KHDRBS2: variants seen among roughly 807,000 people sequenced by gnomAD.
KHDRBS2 encodes KH RNA binding domain containing, signal transduction associated 2, also known as KH domain-containing, RNA-binding, signal transduction-associated protein 2.
In KHDRBS2, 26 loss-of-function variants were observed where a neutral mutation model predicts 44.3. The observed-to-expected ratio is 0.59, with a 90% CI of 0.43 to 0.81. The LOEUF is 0.81. KHDRBS2 is among the 40% of genes least tolerant of loss of function. KHDRBS2 has a pLI of 0.00. For synonymous variants in KHDRBS2, 194 were observed against 151.1 expected, an observed-to-expected ratio of 1.28 and a Z score of -2.08; for missense variants, 476 against 433.1, an observed-to-expected ratio of 1.10 and a Z score of -0.88.
the KHDRBS2 span, among the ~76,000 whole-genome samples, chr6:61,582,715 G>T: frequency 6.6e-6 from 1 of 150,704 alleles, no homozygotes; most frequent in Non-Finnish European, 1.5e-5. Flanking sequence ...ACTGCTTTTT[G>T]TTTTAGAAGC....
chr6:61,657,379 A>T, the KHDRBS2 span, among the ~76,000 whole-genome samples: 1 of 151,982 alleles, frequency 6.6e-6, no homozygotes, highest in Non-Finnish European at 1.5e-5. Context: ...TCACCCTATG[A>T]AACTGTTTCC....
intron 4 of KHDRBS2, among the ~76,000 whole-genome samples, chr6:61,957,293 G>T (rs1307352379): frequency 6.6e-6 from 1 of 152,106 alleles, no homozygotes; most frequent in African/African-American, 2.4e-5. Flanking sequence ...TGAAATCTGG[G>T]CACCTTGATA....
intron 2 of KHDRBS2, among the ~76,000 whole-genome samples, chr6:62,058,656 G>T (rs1790879600): frequency 6.6e-6 from 1 of 151,798 alleles, no homozygotes; most frequent in African/African-American, 2.4e-5. Flanking sequence ...AAAAACATTG[G>T]TGAGCAAGAG....
chr6:62,195,419 T>C (rs1319207303), intron 1 of KHDRBS2, among the ~76,000 whole-genome samples: 1 of 152,150 alleles, frequency 6.6e-6, no homozygotes, highest in Non-Finnish European at 1.5e-5. Flanking sequence ...AGAAGTGTCA[T>C]TTCATTTTTC....
At chr6:61,720,922 T>G (rs1209200049) in intron 7 of KHDRBS2, among the ~76,000 whole-genome samples, 1 of 151,190 alleles carries the variant, frequency 6.6e-6, no homozygotes, top group Non-Finnish European at 1.5e-5. Flanking sequence ...GTCTAAGGTT[T>G]AAGTCTTTAA....
the KHDRBS2 span, among the ~76,000 whole-genome samples, chr6:61,615,233 C>CAAAAAAAAAAAAAAAAAAAAAAA: frequency 3.6e-4 from 21 of 58,578 alleles, no homozygotes; most frequent in South Asian, 8.2e-4. Context: ...ACTCCATCTC[C>CAAAAAAAAAAAAAAAAAAAAAAA]AAAAAAAAAA....
At chr6:62,267,642 T>C (rs1839415256) in intron 1 of KHDRBS2, among the ~76,000 whole-genome samples, 1 of 152,020 alleles carries the variant, frequency 6.6e-6, no homozygotes, top group Admixed American at 6.6e-5. Context: ...GGAGTCAAAA[T>C]GAGCTACAGA....
At chr6:62,254,337 T>G (rs1837028265) in intron 1 of KHDRBS2, among the ~76,000 whole-genome samples, 1 of 152,180 alleles carries the variant, frequency 6.6e-6, no homozygotes, top group Non-Finnish European at 1.5e-5. Flanking sequence ...CCAAGTACAC[T>G]TCTAGGTACA....
intron 2 of KHDRBS2, among the ~76,000 whole-genome samples, 186 bp from the exon 3 acceptor site, chr6:62,048,180 T>G (rs1008143065): frequency 1.6e-4 from 24 of 149,698 alleles, no homozygotes; most frequent in African/African-American, 5.4e-4. Flanking sequence ...ATTTCAGATA[T>G]CTAATCTAAC....
Position 61,827,397 on chromosome 6 carries a change from G to A in KHDRBS2, c.810+67238C>T, listed in dbSNP as rs192458602. Among the ~76,000 whole-genome samples, 6 of 152,222 alleles carry A rather than the reference G, an allele frequency of 3.9e-5. No homozygotes were observed. The East Asian group carries it at 7.7e-4, about 20-fold the overall frequency. On this transcript the variant is annotated intron_variant, in intron 6 of 8. Transcript: ENST00000281156. ...CAGAACTTCATTTATTTTCTTATCC[G>A]CTGGACCTCCAGGTAAGCTGACACA... is the stretch of plus-strand genomic sequence containing the variant.
the KHDRBS2 span, among the ~76,000 whole-genome samples, chr6:61,667,525 TAAG>T: frequency 6.6e-6 from 1 of 151,288 alleles, no homozygotes; most frequent in African/African-American, 2.4e-5. Flanking sequence ...ATATACCAGT[TAAG>T]AAAAAAACCA....
At chr6:61,723,184 AAAC>A (rs1178467878) in intron 7 of KHDRBS2, among the ~76,000 whole-genome samples, 1 of 120,926 alleles carries the variant, frequency 8.3e-6, no homozygotes. Context: ...AACAAACAGA[AAAC>A]AACAATAATA....
At chr6:62,155,527 G>A (rs1816162282) in intron 2 of KHDRBS2, among the ~76,000 whole-genome samples, 1 of 152,140 alleles carries the variant, frequency 6.6e-6, no homozygotes, top group Non-Finnish European at 1.5e-5. Flanking sequence ...CTAACATAAG[G>A]GACCTAGGTC....
At chr6:61,965,977 G>T (rs1164075636) in intron 4 of KHDRBS2, among the ~76,000 whole-genome samples, 2 of 151,912 alleles carry the variant, frequency 1.3e-5, no homozygotes, top group African/African-American at 4.8e-5. Context: ...GAAGTTTAGG[G>T]TCAATCAGCA....
intron 4 of KHDRBS2, 101 bp downstream of exon 4, chr6:61,977,965 T>A (rs1191277589): frequency 1.0e-6 from 1 of 984,090 alleles, no homozygotes; most frequent in African/African-American, 1.7e-5. Flanking sequence ...ATCATTGGTT[T>A]GCAATATGAG....
At chr6:61,556,222 C>T in the KHDRBS2 span, among the ~76,000 whole-genome samples, 10 of 152,270 alleles carry the variant, frequency 6.6e-5, no homozygotes, top group East Asian at 1.9e-4. Flanking sequence ...TTAACACCAG[C>T]GATGATAGCA....
intron 4 of KHDRBS2, among the ~76,000 whole-genome samples, chr6:61,955,288 G>A (rs1395269437): frequency 3.1e-5 from 4 of 129,252 alleles, no homozygotes; most frequent in Non-Finnish European, 5.2e-5. Flanking sequence ...ATACTCATAC[G>A]TATGTATGTA....
At chr6:62,246,309 G>A (rs1265495065) in intron 1 of KHDRBS2, among the ~76,000 whole-genome samples, 7 of 151,700 alleles carry the variant, frequency 4.6e-5, no homozygotes, top group Non-Finnish European at 8.8e-5. Flanking sequence ...ATATAGGCTA[G>A]CTGGACTTAC....
At chr6:62,018,316 T>C (rs1332140289) in intron 3 of KHDRBS2, among the ~76,000 whole-genome samples, 80 of 17,566 alleles carry the variant, frequency 4.6e-3, no homozygotes, top group Non-Finnish European at 0.016. Context: ...TGTGTGTGTG[T>C]GTGTGTGTGT....
Sources: allele counts gnomAD v4.1 joint callset (sites outside exome capture counted in the v4.1 genomes callset), GRCh38; gene constraint gnomAD v4.1.1; transcripts MANE v1.5; gene names NCBI Gene and HGNC (gene_info 2026-07-23, HGNC 2026-07-21).